Variants in GRID1 observed in about 807,000 individuals in gnomAD.
GRID1 encodes glutamate ionotropic receptor delta type subunit 1, also known as glutamate receptor ionotropic, delta-1.
Under a neutral mutation model 98.0 loss-of-function variants are expected in GRID1, and 28 were observed. That is an observed-to-expected ratio of 0.29 (90% CI 0.21 to 0.39). The LOEUF (loss-of-function observed/expected upper bound fraction) is 0.39, where lower values mean the gene tolerates loss of function less well. GRID1 is among the 10% of genes least tolerant of loss of function. The pLI is 1.00. For missense variants in GRID1, 1,111 were observed against 1,340.5 expected (o/e 0.83, Z 2.67); for synonymous variants, 553 against 538.5 (o/e 1.03, Z -0.37).
At chr10:86,235,724 CATTCTTTTGTATTTCTGAGTAGT>C (rs1371081588) in intron 2 of GRID1, among the ~76,000 whole-genome samples, 2 of 152,196 alleles carry the variant, frequency 1.3e-5, no homozygotes, top group Non-Finnish European at 2.9e-5. Context: ...ATCAGTGTTT[CATTCTTTTGTATTTCTGAGTAGT>C]ATTCCACTGA....
chr10:85,632,328 CA>C (rs1295950221), intron 13 of GRID1, among the ~76,000 whole-genome samples: 2 of 152,156 alleles, frequency 1.3e-5, no homozygotes, highest in African/African-American at 4.8e-5. Flanking sequence ...ACTAACAAAA[CA>C]ACAATCATGA....
chr10:86,091,814 T>C (rs1589368181), intron 4 of GRID1, among the ~76,000 whole-genome samples: 2 of 152,288 alleles, frequency 1.3e-5, no homozygotes, highest in Non-Finnish European at 2.9e-5. Flanking sequence ...CACAGGACTC[T>C]GTGCAGACAA....
intron 4 of GRID1, among the ~76,000 whole-genome samples, chr10:85,946,571 G>T (rs1359090032): frequency 6.6e-6 from 1 of 152,200 alleles, no homozygotes; most frequent in African/African-American, 2.4e-5. Context: ...AGAGAAAAAT[G>T]CTCAGGCAAA....
intron 2 of GRID1, among the ~76,000 whole-genome samples, chr10:86,207,852 G>A (rs553398199): frequency 8.3e-4 from 126 of 152,096 alleles, no homozygotes; most frequent in African/African-American, 2.9e-3. Flanking sequence ...GGATGGTCTC[G>A]ATCTCCTGAC....
intron 2 of GRID1, among the ~76,000 whole-genome samples, chr10:86,311,586 T>C (rs1406153208): frequency 1.2e-5 from 1 of 85,718 alleles, no homozygotes. Flanking sequence ...CTGAGAACAC[T>C]GGGATGCCAG....
intron 8 of GRID1, among the ~76,000 whole-genome samples, chr10:85,773,675 C>T (rs1842297798): frequency 6.6e-6 from 1 of 152,118 alleles, no homozygotes; most frequent in Non-Finnish European, 1.5e-5. Context: ...TCTTAAATAC[C>T]AATAACAGGC....
chr10:86,134,345 A>G (rs1291113457), intron 4 of GRID1, among the ~76,000 whole-genome samples: 2 of 152,228 alleles, frequency 1.3e-5, no homozygotes, highest in Non-Finnish European at 2.9e-5. Flanking sequence ...ATGGATGAGT[A>G]GATGGACAGA....
intron 12 of GRID1, among the ~76,000 whole-genome samples, chr10:85,720,985 T>C (rs1189815521): frequency 6.6e-6 from 1 of 152,148 alleles, no homozygotes; most frequent in Non-Finnish European, 1.5e-5. Flanking sequence ...GTCTAAAATA[T>C]ATGAAGAACT....
At chr10:85,838,312 C>A (rs190063442) in intron 8 of GRID1, among the ~76,000 whole-genome samples, 44 of 152,198 alleles carry the variant, frequency 2.9e-4, no homozygotes, top group African/African-American at 9.6e-4. Flanking sequence ...ATGTAGAGAA[C>A]CCCAGTCAGA....
rs142996416 is a variant in GRID1, at chr10:86,255,292, G to A, written c.236-48644C>T. 2.6e-3 allele frequency among the ~76,000 whole-genome samples: 403 copies of A among 152,340 alleles called. 2 individuals carry two copies. Among genetic ancestry groups the A allele is most frequent in the African/African-American group, 8.1e-3 (336 of 41,572 alleles). On this transcript the variant is annotated intron_variant, in intron 2 of 15. Transcript: ENST00000327946. ...AAAACAAACTGTGTCCAGAGAAGCT[G>A]GACAGAGAAGCTGTCTCTCCATCCC... is the stretch of plus-strand genomic sequence containing the variant.
At chr10:85,726,229 C>T (rs1344353691) in intron 10 of GRID1, among the ~76,000 whole-genome samples, 2 of 150,140 alleles carry the variant, frequency 1.3e-5, no homozygotes, top group South Asian at 4.2e-4. Flanking sequence ...TATAGAAGTA[C>T]AATCATTTTT....
chr10:86,012,801 T>G (rs983651736), intron 4 of GRID1, among the ~76,000 whole-genome samples: 1 of 152,210 alleles, frequency 6.6e-6, no homozygotes, highest in Non-Finnish European at 1.5e-5. Flanking sequence ...CAGCAGACGC[T>G]GAATCTGCTG....
intron 13 of GRID1, among the ~76,000 whole-genome samples, chr10:85,628,390 G>T (rs182312598): frequency 6.6e-6 from 1 of 152,058 alleles, no homozygotes; most frequent in Admixed American, 6.6e-5. Flanking sequence ...GTAGGTTGAT[G>T]AGTGTGTTTA....
intron 4 of GRID1, among the ~76,000 whole-genome samples, chr10:85,930,539 G>A (rs1589302728): frequency 6.6e-6 from 1 of 152,050 alleles, no homozygotes; most frequent in Non-Finnish European, 1.5e-5. Context: ...CCAGTTGGAT[G>A]AGCAGGGGCT....
intron 4 of GRID1, among the ~76,000 whole-genome samples, chr10:86,034,904 GGA>G (rs1843235344): frequency 5.0e-5 from 2 of 39,918 alleles, no homozygotes; most frequent in African/African-American, 2.3e-4. Context: ...ATGGATTGGT[GGA>G]TGGATGGATG....
Position 85,602,419 on chromosome 10 carries a change from G to A in GRID1, c.2884C>T (p.Pro962Ser). The A allele has an allele frequency of 1.2e-6, 2 of 1,614,062 alleles. No homozygotes were observed. The highest frequency in any genetic ancestry group is 1.3e-5 in the African/African-American group (1 of 75,064). ...GACCTGTGTTTGCACTGCATGGAGG[G>A]CATGGTCGCCGAGCTGCTCAGCGGC... ...PLPLSSSATM[P>S]SMQCKHRSPN... The change falls in exon 16 of 16, where the codon CCC becomes TCC. Residue 962 changes from proline (P) to serine (S), a missense_variant. By Grantham distance (74) the Pro-to-Ser change is moderately conservative. Around this residue, in one of 3 missense-constraint regions of GRID1, gnomAD observed 762 missense variants for 869.1 expected, o/e 0.88. Transcript: ENST00000327946.
At chr10:86,092,047 C>T (rs1844157241) in intron 4 of GRID1, among the ~76,000 whole-genome samples, 1 of 152,110 alleles carries the variant, frequency 6.6e-6, no homozygotes, top group Non-Finnish European at 1.5e-5. Flanking sequence ...ACCAGAAGAC[C>T]AACCCTGGTA....
rs117917585 is a variant in GRID1, at chr10:86,121,826, C to T, written c.726+16993G>A. 9.3e-4 allele frequency among the ~76,000 whole-genome samples: 142 copies of T among 152,300 alleles called. 2 individuals carry two copies. The East Asian group carries it at 0.024, about 25-fold the overall frequency. On this transcript the variant is annotated intron_variant, in intron 4 of 15. Coordinates refer to ENST00000327946, the MANE Select transcript of GRID1 (RefSeq NM_017551.3). ...AGGTTTGGAGAAGTTTTATAACTTGCCCACAGCCACCAGCCATAAGGGCAG... is the reference window on the plus strand; with the variant it reads ...AGGTTTGGAGAAGTTTTATAACTTGTCCACAGCCACCAGCCATAAGGGCAG...
At chr10:86,275,320 G>A (rs2814354) in intron 2 of GRID1, among the ~76,000 whole-genome samples, 6,026 of 151,436 alleles carry the variant, frequency 0.04, 236 homozygotes, top group Admixed American at 0.11. Flanking sequence ...GTTTTCTAGA[G>A]TTAACACATT....
Sources: allele counts gnomAD v4.1 joint callset (sites outside exome capture counted in the v4.1 genomes callset), GRCh38; gene constraint gnomAD v4.1.1; regional missense constraint gnomAD v4.1.1; transcripts MANE v1.5; gene names NCBI Gene and HGNC (gene_info 2026-07-23, HGNC 2026-07-21).